TANC2: variants seen among roughly 807,000 people sequenced by gnomAD.
The protein encoded by TANC2 is protein TANC2.
TANC2 carries 26 observed loss-of-function variants against 210.5 expected under a neutral mutation model. The ratio of observed to expected loss-of-function variants is 0.12; its 90% CI spans 0.09 to 0.17. The LOEUF (loss-of-function observed/expected upper bound fraction) is 0.17, where lower values mean the gene tolerates loss of function less well. TANC2 is among the 10% of genes least tolerant of loss of function. The probability of loss-of-function intolerance (pLI) is 1.00; values close to 1 mark genes in which losing one functional copy is unlikely to be tolerated. For synonymous variants in TANC2, 931 were observed against 967.1 expected (o/e 0.96, Z 0.69); for missense variants, 2,129 against 2,608.9 (o/e 0.82, Z 4.01).
intron 4 of TANC2, among the ~76,000 whole-genome samples, chr17:63,110,788 C>T (rs1567730298): frequency 6.6e-6 from 1 of 152,166 alleles, no homozygotes; most frequent in African/African-American, 2.4e-5. Flanking sequence ...TTGGAGGACA[C>T]GTTCAAACCA....
chr17:63,262,539 C>G (rs1006389846), intron 8 of TANC2, among the ~76,000 whole-genome samples: 1 of 152,102 alleles, frequency 6.6e-6, no homozygotes, highest in African/African-American at 2.4e-5. Context: ...GTCCTTTGCC[C>G]TAAGCCAGGA....
chr17:63,362,300 T>G (rs1167369700), intron 14 of TANC2, among the ~76,000 whole-genome samples: 1 of 152,166 alleles, frequency 6.6e-6, no homozygotes, highest in Admixed American at 6.5e-5. Context: ...AGGACATGCA[T>G]GCTAATTGGT....
chr17:63,031,609 T>C lies in TANC2; in HGVS notation c.67+21983T>C, dbSNP rs1428331111. Among the ~76,000 whole-genome samples, 3 of 152,264 alleles carry C rather than the reference T, an allele frequency of 2.0e-5. No homozygotes were observed. In the East Asian group the frequency reaches 5.8e-4, roughly 29 times the overall value. Reference sequence around the variant, plus strand: ...TTCTGTTAAGCTTCCAGTGGATTCATGCTCTAAGGATGAGGTATTATTAGA... The same window carrying C: ...TTCTGTTAAGCTTCCAGTGGATTCACGCTCTAAGGATGAGGTATTATTAGA... On this transcript the variant is annotated intron_variant, in intron 2 of 27. Transcript: ENST00000689528.
At chr17:63,235,039 G>A (rs1270652139) in intron 7 of TANC2, among the ~76,000 whole-genome samples, 1 of 152,026 alleles carries the variant, frequency 6.6e-6, no homozygotes, top group Non-Finnish European at 1.5e-5. Flanking sequence ...TGCTTAAAAT[G>A]TATATGAGCT....
chr17:63,253,493 T>C (rs1245272488), intron 8 of TANC2, among the ~76,000 whole-genome samples: 1 of 152,210 alleles, frequency 6.6e-6, no homozygotes, highest in African/African-American at 2.4e-5. Context: ...CCTTTTAGGG[T>C]ATTACCGAAG....
intron 11 of TANC2, among the ~76,000 whole-genome samples, chr17:63,337,035 G>A (rs2046055278): frequency 6.6e-6 from 1 of 152,154 alleles, no homozygotes; most frequent in Admixed American, 6.5e-5. Context: ...CAGAGGGAAA[G>A]TTATACGTAA....
intron 21 of TANC2, among the ~76,000 whole-genome samples, chr17:63,407,096 G>A (rs190849323): frequency 4.0e-4 from 61 of 152,368 alleles, no homozygotes; most frequent in African/African-American, 1.5e-3. Flanking sequence ...CAGAGCAGCT[G>A]AGGGTAGTTT....
intron 1 of TANC2, among the ~76,000 whole-genome samples, chr17:62,991,334 A>G (rs146109596): frequency 2.6e-5 from 4 of 152,258 alleles, no homozygotes; most frequent in African/African-American, 2.4e-5. Context: ...CCATGGATCA[A>G]AAGTATTAAA....
At chr17:63,045,492 A>C (rs1362836441) in intron 2 of TANC2, among the ~76,000 whole-genome samples, 1 of 152,218 alleles carries the variant, frequency 6.6e-6, no homozygotes, top group Non-Finnish European at 1.5e-5. Context: ...CAGAGACTAC[A>C]AATATATTCT....
intron 5 of TANC2, among the ~76,000 whole-genome samples, chr17:63,167,382 T>C (rs894227138): frequency 2.0e-5 from 3 of 152,072 alleles, no homozygotes; most frequent in Admixed American, 6.6e-5. Context: ...GAAAATGTGG[T>C]TGGGTTGGTG....
intron 4 of TANC2, among the ~76,000 whole-genome samples, chr17:63,126,705 G>A (rs537201365): frequency 2.0e-4 from 30 of 152,026 alleles, no homozygotes; most frequent in Non-Finnish European, 4.0e-4. Context: ...CACCATGCCC[G>A]ACTCACTAAG....
chr17:62,992,166 T>C (rs1238525603), intron 1 of TANC2, among the ~76,000 whole-genome samples: 1 of 152,168 alleles, frequency 6.6e-6, no homozygotes, highest in Non-Finnish European at 1.5e-5. Flanking sequence ...CTGCAGATTT[T>C]GGTATCCATA....
chr17:63,058,638 A>G (rs140927957), intron 2 of TANC2, among the ~76,000 whole-genome samples: 4,516 of 152,236 alleles, frequency 0.03, 84 homozygotes, highest in South Asian at 0.038. Flanking sequence ...TCTTCTGCAT[A>G]TGGCTAGCCA....
At chr17:63,401,037 T>C (rs950012274) in intron 19 of TANC2, among the ~76,000 whole-genome samples, 1 of 152,210 alleles carries the variant, frequency 6.6e-6, no homozygotes, top group Non-Finnish European at 1.5e-5. Context: ...GCAGTGACCC[T>C]AGAACTCATC....
chr17:63,001,597 G>C (rs2033389396), intron 1 of TANC2, among the ~76,000 whole-genome samples: 1 of 147,348 alleles, frequency 6.8e-6, no homozygotes, highest in Admixed American at 6.9e-5. Flanking sequence ...CTGTTGCCCA[G>C]GCTGGAGTCC....
chr17:63,280,901 T>G (rs1351750791), intron 9 of TANC2, among the ~76,000 whole-genome samples: 23 of 152,056 alleles, frequency 1.5e-4, no homozygotes, highest in Admixed American at 1.5e-3. Flanking sequence ...CCTCTCAGAG[T>G]TAATGAGGTA....
intron 6 of TANC2, among the ~76,000 whole-genome samples, chr17:63,199,446 C>G (rs887054701): frequency 1.3e-4 from 20 of 151,902 alleles, no homozygotes; most frequent in Non-Finnish European, 1.6e-4. Context: ...CAGTGAAACC[C>G]CGTCTCTACT....
intron 14 of TANC2, among the ~76,000 whole-genome samples, chr17:63,371,005 C>T (rs1036261920): frequency 8.5e-5 from 13 of 152,216 alleles, no homozygotes; most frequent in African/African-American, 3.1e-4. Flanking sequence ...TCTCGTCTCA[C>T]TAGGTCTCTT....
intron 5 of TANC2, among the ~76,000 whole-genome samples, chr17:63,190,730 C>A (rs1567800966): frequency 6.6e-6 from 1 of 151,890 alleles, no homozygotes; most frequent in African/African-American, 2.4e-5. Flanking sequence ...AATGCACCCT[C>A]CCCCCTGCAA....
Sources: allele counts gnomAD v4.1 joint callset (sites outside exome capture counted in the v4.1 genomes callset), GRCh38; gene constraint gnomAD v4.1.1; transcripts MANE v1.5; gene names NCBI Gene and HGNC (gene_info 2026-07-23, HGNC 2026-07-21).